The following NYAP2 variants were observed in gnomAD, a reference collection of about 807,000 sequenced individuals.
NYAP2 encodes neuronal tyrosine-phosphorylated phosphoinositide-3-kinase adapter 2.
NYAP2 carries 23 observed loss-of-function variants against 50.4 expected under a neutral mutation model. That is an observed-to-expected ratio of 0.46 (90% CI 0.33 to 0.65). The LOEUF is 0.65. Among genes scored for constraint, NYAP2 ranks in the 30% least tolerant of loss-of-function variants. The pLI is 0.02. For missense variants in NYAP2, 885 were observed against 861.0 expected, an observed-to-expected ratio of 1.03 and a Z score of -0.35; for synonymous variants, 394 against 365.2, an observed-to-expected ratio of 1.08 and a Z score of -0.90.
the NYAP2 span, among the ~76,000 whole-genome samples, chr2:225,662,114 T>C: frequency 6.6e-6 from 1 of 152,212 alleles, no homozygotes; most frequent in African/African-American, 2.4e-5. Context: ...GCCTTTTGAC[T>C]TTTTGAGACT....
downstream of NYAP2, chr2:225,654,115 G>A (rs1456712577): frequency 2.0e-5 from 3 of 152,038 alleles, no homozygotes; most frequent in African/African-American, 7.2e-5. Context: ...TAAGATGTCT[G>A]TTTAAATTAC....
intron 5 of NYAP2, among the ~76,000 whole-genome samples, chr2:225,595,881 C>T (rs940073224): frequency 6.6e-6 from 1 of 152,166 alleles, no homozygotes; most frequent in African/African-American, 2.4e-5. Context: ...CTTAATTTCC[C>T]ACAAACTGGC....
chr2:225,512,837 CTT>C (rs757867358), intron 3 of NYAP2, among the ~76,000 whole-genome samples: 5,739 of 70,372 alleles, frequency 0.082, 136 homozygotes, highest in East Asian at 0.19. Context: ...CTCTCTCTCT[CTT>C]TCTTTCTTTC....
chr2:225,651,700 G>A (rs1693735651), exon 7 of NYAP2: 7 of 882,174 alleles, frequency 7.9e-6, no homozygotes, highest in Non-Finnish European at 1.2e-5. Flanking sequence ...GGCAGTCTGT[G>A]TTTTCATTTG....
At chr2:225,475,497 G>A (rs1267134140) in intron 3 of NYAP2, among the ~76,000 whole-genome samples, 1 of 152,144 alleles carries the variant, frequency 6.6e-6, no homozygotes, top group Non-Finnish European at 1.5e-5. Context: ...TTTAAATAAG[G>A]TAGGGAAAAA....
chr2:225,451,330 C>T (rs188925881), intron 3 of NYAP2, among the ~76,000 whole-genome samples: 3 of 152,232 alleles, frequency 2.0e-5, no homozygotes, highest in Admixed American at 2.0e-4. Context: ...TTTAAATGTA[C>T]TTGATCTGTC....
chr2:225,414,669 C>T (rs1033520390), intron 3 of NYAP2, among the ~76,000 whole-genome samples: 1 of 152,018 alleles, frequency 6.6e-6, no homozygotes, highest in Non-Finnish European at 1.5e-5. Context: ...CTGGGTGTAT[C>T]TGTGAACACC....
intron 6 of NYAP2, among the ~76,000 whole-genome samples, chr2:225,646,168 G>T (rs778601294): frequency 6.6e-6 from 1 of 152,160 alleles, no homozygotes; most frequent in Non-Finnish European, 1.5e-5. Flanking sequence ...AACACCATAG[G>T]AAATTCCAAA....
rs919142185 is a variant in NYAP2 at position 225,593,677 on chromosome 2, T to C, written c.1618+10642T>C. ...ACCAGGGAAAACAAGCTACAAACCT[T>C]TTCATCATTTTACTTTTTGTAATAC... On this transcript the variant is annotated intron_variant, in intron 5 of 6. Transcript: ENST00000636099. 8.5e-5 allele frequency among the ~76,000 whole-genome samples: 13 copies of C among 152,220 alleles called. 1 individual carries two copies. Among genetic ancestry groups the C allele is most frequent in the African/African-American group, 3.1e-4 (13 of 41,450 alleles).
At chr2:225,573,258 T>C (rs1204283874) in intron 4 of NYAP2, among the ~76,000 whole-genome samples, 1 of 151,314 alleles carries the variant, frequency 6.6e-6, no homozygotes, top group Admixed American at 6.6e-5. Flanking sequence ...TTCTTTTTTT[T>C]TTTTTTTTTT....
intron 3 of NYAP2, among the ~76,000 whole-genome samples, chr2:225,448,569 G>A (rs1410721481): frequency 6.6e-6 from 1 of 152,136 alleles, no homozygotes; most frequent in Non-Finnish European, 1.5e-5. Context: ...CTACATGATT[G>A]GTTTCTATAA....
chr2:225,533,097 C>T (rs1274142103), intron 4 of NYAP2, among the ~76,000 whole-genome samples: 2 of 152,182 alleles, frequency 1.3e-5, no homozygotes, highest in Non-Finnish European at 2.9e-5. Flanking sequence ...CTACCCCAAA[C>T]TAGAAGGGCC....
At chr2:225,638,763 G>T (rs913952624) in intron 6 of NYAP2, among the ~76,000 whole-genome samples, 1 of 152,154 alleles carries the variant, frequency 6.6e-6, no homozygotes, top group Non-Finnish European at 1.5e-5. Context: ...GCCCGTGCCA[G>T]GCCCTTGAAG....
intron 4 of NYAP2, among the ~76,000 whole-genome samples, chr2:225,525,564 A>C (rs1388771896): frequency 2.6e-5 from 4 of 152,176 alleles, no homozygotes; most frequent in Admixed American, 6.6e-5. Flanking sequence ...GTGGGAGCCA[A>C]ACAATGGGTA....
intron 1 of NYAP2, 106 bp downstream of exon 1, chr2:225,400,361 G>C (rs1419679725): frequency 6.6e-6 from 1 of 151,474 alleles, no homozygotes; most frequent in Non-Finnish European, 1.5e-5. Flanking sequence ...TCAGGGGCAG[G>C]GAGGGAGGGA....
exon 5 of NYAP2, chr2:225,581,972 A>G (rs1692277327): frequency 5.0e-6 from 8 of 1,610,380 alleles, no homozygotes; most frequent in Non-Finnish European, 6.8e-6. Flanking sequence ...ACAGCGATGA[A>G]TATTCCAAGA....
At position 225,542,677 on chromosome 2, in the gene NYAP2, TTTTG is replaced by T. The variant is rs568602665; in HGVS notation, c.523+29008_523+29011del. On this transcript the variant is annotated intron_variant, in intron 4 of 6. Transcript: ENST00000636099. ...TGTTGTTCAATTCAGTTTGCTAGTA[TTTTG>T]TTGAGGATTTTTGCATCAATATTCA... 4.6e-3 allele frequency among the ~76,000 whole-genome samples: 705 copies of T among 152,296 alleles called. 2 individuals carry two copies. Among genetic ancestry groups the T allele is most frequent in the Non-Finnish European group, 7.2e-3 (491 of 67,980 alleles).
chr2:225,446,019 A>G (rs952434550), intron 3 of NYAP2, among the ~76,000 whole-genome samples: 1 of 151,922 alleles, frequency 6.6e-6, no homozygotes, highest in Non-Finnish European at 1.5e-5. Context: ...TGACTTAGAA[A>G]GTGTATGGAA....
chr2:225,694,541 T>C, the NYAP2 span, among the ~76,000 whole-genome samples: 4 of 151,988 alleles, frequency 2.6e-5, no homozygotes, highest in East Asian at 3.9e-4. Flanking sequence ...ACATTGGAGT[T>C]CGATTTTGAG....
Sources: allele counts gnomAD v4.1 joint callset (sites outside exome capture counted in the v4.1 genomes callset), GRCh38; gene constraint gnomAD v4.1.1; transcripts MANE v1.5; gene names NCBI Gene and HGNC (gene_info 2026-07-23, HGNC 2026-07-21).